The following MMP26 variants were observed in gnomAD, a reference collection of about 807,000 sequenced individuals.
MMP26 encodes the protein matrix metallopeptidase 26.
In MMP26, 33 loss-of-function variants were observed where a neutral mutation model predicts 31.0. The ratio of observed to expected loss-of-function variants is 1.06; its 90% CI spans 0.81 to 1.42. The LOEUF is 1.42. Among genes scored for constraint, MMP26 ranks in the 40% most tolerant of loss-of-function variants. The pLI, the probability that MMP26 is intolerant of heterozygous loss-of-function variation, is 0.00. For missense variants in MMP26, 347 were observed against 316.1 expected (o/e 1.10, Z -0.74); for synonymous variants, 122 against 114.9 (o/e 1.06, Z -0.40).
rs1449819635 is a variant in MMP26 at position 4,882,080 on chromosome 11, A to G, written c.-144-105988A>G. Reference sequence around the variant, plus strand: ...TACTAAGCGGAGACTCCACAAACCCATGTATTATTTCCTCTCCATGCTGGC... The same window carrying G: ...TACTAAGCGGAGACTCCACAAACCCGTGTATTATTTCCTCTCCATGCTGGC... On this transcript the variant is annotated intron_variant, in intron 2 of 7. Transcript: ENST00000380390. 11 of 1,613,814 alleles carry G rather than the reference A, an allele frequency of 6.8e-6. No individual in the cohort carries two copies. Among genetic ancestry groups the G allele is most frequent in the Middle Eastern group, 1.7e-4 (1 of 6,060 alleles).
At chr11:4,899,673 C>G (rs1459998747) in intron 2 of MMP26, among the ~76,000 whole-genome samples, 1 of 152,150 alleles carries the variant, frequency 6.6e-6, no homozygotes, top group Non-Finnish European at 1.5e-5. Context: ...GAAGCCCTAT[C>G]TTTTCCTGAT....
At chr11:4,931,811 G>A (rs1199548651) in intron 2 of MMP26, among the ~76,000 whole-genome samples, 6 of 151,978 alleles carry the variant, frequency 3.9e-5, no homozygotes, top group Non-Finnish European at 8.8e-5. Context: ...GAATGCAATA[G>A]GTTGGTAGCA....
At chr11:4,947,162 T>C (rs1564812732) in intron 2 of MMP26, 1 of 1,085,490 alleles carries the variant, frequency 9.2e-7, no homozygotes. Context: ...AATAGGAATA[T>C]CTGTAAATTT....
chr11:4,928,664 C>G (rs1392038033), intron 2 of MMP26, among the ~76,000 whole-genome samples: 1 of 151,708 alleles, frequency 6.6e-6, no homozygotes, highest in Non-Finnish European at 1.5e-5. Context: ...TATTTTTTTT[C>G]ACGTAAGTCT....
At position 4,806,587 on chromosome 11, in the gene MMP26, C is replaced by T. The variant is rs146356129; in HGVS notation, c.-145+39246C>T. Among the ~76,000 whole-genome samples the T allele has an allele frequency of 6.6e-5, 10 of 152,212 alleles. No individual in the cohort carries two copies. The East Asian group carries it at 1.9e-3, about 29-fold the overall frequency. On this transcript the variant is annotated intron_variant, in intron 2 of 7. Coordinates refer to ENST00000380390, the MANE Select transcript of MMP26 (RefSeq NM_021801.5). ...TTCCATTTGCTTGGTAAATCTTCCT[C>T]CATCCCTTTATTTTGAGCCTATGTG...
chr11:4,959,859 G>A (rs11826210), intron 2 of MMP26, among the ~76,000 whole-genome samples: 22,747 of 151,906 alleles, frequency 0.15, 1,786 homozygotes, highest in South Asian at 0.17. Context: ...TCTTGAATGT[G>A]TTTGTGCCTG....
Position 4,781,549 on chromosome 11 carries a change from G to A in MMP26, c.-145+14208G>A, listed in dbSNP as rs558768592. Among the ~76,000 whole-genome samples, 47 of 32,752 alleles carry A rather than the reference G, an allele frequency of 1.4e-3. 6 individuals carry two copies. The highest frequency in any genetic ancestry group is 3.7e-3 in the Admixed American group (8 of 2,166). 21.5% of individuals were successfully genotyped at this position (32,752 alleles called of 152,430 possible). On this transcript the variant is annotated intron_variant, in intron 2 of 7. Transcript: ENST00000380390. ...GGCCTGGGCGACAGAGCGAGACTCC[G>A]TCTCAAAAAAAAAAAAAAAAAAAAA... is the stretch of plus-strand genomic sequence containing the variant.
chr11:4,988,255 G>A lies in MMP26; in HGVS notation c.44G>A (p.Cys15Tyr), dbSNP rs1334938337. The part of the protein sequence containing the change: ...ILRVTIFLPW[C>Y]FAVPVPPAAD... The stretch of plus-strand genomic sequence containing the variant: ...AGAGTTACTATCTTCTTGCCCTGGT[G>A]TTTCGCCGTTCCAGTGCCCCCTGCT... Residue 15 changes from cysteine (C) to tyrosine (Y), a missense_variant, in exon 3 of 8, where the codon TGT becomes TAT. By Grantham distance (194) the Cys-to-Tyr change is radical. Coordinates refer to ENST00000380390, the MANE Select transcript of MMP26 (RefSeq NM_021801.5). 1 of 1,614,108 alleles carries A rather than the reference G, an allele frequency of 6.2e-7. No homozygotes were observed. The highest frequency in any genetic ancestry group is 8.5e-7 in the Non-Finnish European group (1 of 1,180,024).
Position 4,977,942 on chromosome 11 carries a change from C to T in MMP26, c.-144-10126C>T, listed in dbSNP as rs118066724. 8.1e-3 allele frequency among the ~76,000 whole-genome samples: 1,230 copies of T among 151,594 alleles called. 40 individuals are homozygous for T. Among genetic ancestry groups the T allele is most frequent in the East Asian group, 0.025 (130 of 5,162 alleles). On this transcript the variant is annotated intron_variant, in intron 2 of 7. Transcript: ENST00000380390. ...CAAATCTCATCTTAAATTGAGGTGTCCAGGTGTCCAGGTGTCCAGGGAAAG... is the reference window on the plus strand; with the variant it reads ...CAAATCTCATCTTAAATTGAGGTGTTCAGGTGTCCAGGTGTCCAGGGAAAG...
At chr11:4,841,911 C>A (rs34460105) in intron 2 of MMP26, among the ~76,000 whole-genome samples, 15,695 of 152,174 alleles carry the variant, frequency 0.1, 941 homozygotes, top group Middle Eastern at 0.19. Flanking sequence ...GCAGCCTGGG[C>A]AACAAGAGCA....
At chr11:4,850,815 A>G (rs2133499963) in intron 2 of MMP26, among the ~76,000 whole-genome samples, 1 of 151,172 alleles carries the variant, frequency 6.6e-6, no homozygotes, top group Middle Eastern at 3.5e-3. Context: ...ATAAATAGAA[A>G]CAGACATTCA....
intron 2 of MMP26, chr11:4,871,713 G>A (rs1850312869): frequency 6.6e-6 from 1 of 152,122 alleles, no homozygotes; most frequent in African/African-American, 2.4e-5. Flanking sequence ...CATCAGAAAA[G>A]ACTCTTGTCT....
chr11:4,735,451 A>G (rs892719472), intron 1 of MMP26, among the ~76,000 whole-genome samples: 1 of 152,112 alleles, frequency 6.6e-6, no homozygotes, highest in African/African-American at 2.4e-5. Flanking sequence ...TCATGCTATC[A>G]TTATAGAAAT....
intron 2 of MMP26, among the ~76,000 whole-genome samples, chr11:4,793,599 C>G (rs956817976): frequency 2.6e-5 from 4 of 152,126 alleles, no homozygotes; most frequent in Admixed American, 2.0e-4. Context: ...GCCATAGTTT[C>G]CTGGATCCTT....
chr11:4,954,854 A>G (rs1846413673), intron 2 of MMP26: 1 of 1,106,118 alleles, frequency 9.0e-7, no homozygotes, highest in African/African-American at 1.7e-5. Context: ...TGGTTTCATC[A>G]GCGGAGGTAC....
chr11:4,888,956 T>C (rs192215527), intron 2 of MMP26, among the ~76,000 whole-genome samples: 270 of 152,312 alleles, frequency 1.8e-3, no homozygotes, highest in Admixed American at 4.3e-3. Flanking sequence ...GTATTCCTTG[T>C]CTGCAAGGGA....
At chr11:4,794,226 A>C (rs1376147890) in intron 2 of MMP26, 1 of 152,156 alleles carries the variant, frequency 6.6e-6, no homozygotes, top group Admixed American at 6.5e-5. Flanking sequence ...GGAGAACATG[A>C]AGCAAAAGGG....
At chr11:4,899,740 G>C (rs1345186530) in intron 2 of MMP26, among the ~76,000 whole-genome samples, 1 of 152,060 alleles carries the variant, frequency 6.6e-6, no homozygotes, top group Admixed American at 6.5e-5. Flanking sequence ...TTGCCAGCTT[G>C]TTTTTGAGCT....
chr11:4,803,596 A>G, intron 2 of MMP26: 1 of 1,614,040 alleles, frequency 6.2e-7, no homozygotes, highest in Non-Finnish European at 8.5e-7. Flanking sequence ...GTAGGTGAGG[A>G]AAGAAAAAAG....
Sources: gnomAD v4.1 joint callset for allele counts (sites outside exome capture counted in the v4.1 genomes callset) on GRCh38, gnomAD v4.1.1 for gene constraint, MANE v1.5 for transcripts, NCBI Gene and HGNC (gene_info 2026-07-23, HGNC 2026-07-21) for gene names.